ZNF148: variants seen among roughly 807,000 people sequenced by gnomAD.
ZNF148 encodes the protein Beta-Enolase Repressor Factor-1.
ZNF148 carries 7 observed loss-of-function variants against 67.7 expected under a neutral mutation model. The observed-to-expected ratio is 0.10, with a 90% confidence interval of 0.06 to 0.19. ZNF148 has a LOEUF of 0.19. Among genes scored for constraint, ZNF148 ranks in the 10% least tolerant of loss-of-function variants. The probability of loss-of-function intolerance (pLI) is 1.00; values close to 1 mark genes in which losing one functional copy is unlikely to be tolerated. For missense variants in ZNF148, 583 were observed against 947.1 expected, an observed-to-expected ratio of 0.62 and a Z score of 5.05; for synonymous variants, 333 against 330.7, an observed-to-expected ratio of 1.01 and a Z score of -0.08.
chr3:125,256,355 G>A (rs1253084632), intron 7 of ZNF148, among the ~76,000 whole-genome samples: 17 of 131,866 alleles, frequency 1.3e-4, no homozygotes, highest in Admixed American at 1.0e-3. Context: ...GTCAAAGAGC[G>A]AGACTCCATT....
intron 2 of ZNF148, among the ~76,000 whole-genome samples, chr3:125,326,716 A>ATATATGTATATAAATATACATATT (rs1164798605): frequency 6.8e-5 from 10 of 147,208 alleles, no homozygotes; most frequent in African/African-American, 1.2e-4. Flanking sequence ...ATATCTTTTT[A>ATATATGTATATAAATATACATATT]TATATGTATA....
rs1321619172 is a variant in ZNF148 at position 125,231,178 on chromosome 3, T to C, written c.*1163A>G. 1.3e-5 allele frequency: 2 copies of C among 152,518 alleles called. No individual in the cohort carries two copies. The highest frequency in any genetic ancestry group is 2.9e-5 in the Non-Finnish European group (2 of 67,960). 9.4% of individuals were successfully genotyped at this position (152,518 alleles called of 1,614,324 possible). Reference sequence around the variant, plus strand: ...TTAAAAAGTAACTCAAGATAAAATATGCAATTAAAATGCCCATTTCTTTAG... The same window carrying C: ...TTAAAAAGTAACTCAAGATAAAATACGCAATTAAAATGCCCATTTCTTTAG... On this transcript the variant is annotated 3_prime_UTR_variant, in exon 9 of 9. Coordinates refer to ENST00000360647, the MANE Select transcript of ZNF148 (RefSeq NM_021964.3).
At chr3:125,245,087 C>T (rs1198423348) in intron 7 of ZNF148, among the ~76,000 whole-genome samples, 1 of 152,138 alleles carries the variant, frequency 6.6e-6, no homozygotes, top group Non-Finnish European at 1.5e-5. Flanking sequence ...AACCACATAT[C>T]CAAACTGCTT....
rs568553730 is a variant in ZNF148 at position 125,314,083 on chromosome 3, T to TA, written c.-16-428dup. ...AATTTAGAAATAGTCATTAAGCATA[T>TA]AAAAAAGAGTCTCAGCAGTAATCCA... is the stretch of plus-strand genomic sequence containing the variant. On this transcript the variant is annotated intron_variant, in intron 3 of 8. Transcript: ENST00000360647. 2.6e-5 allele frequency among the ~76,000 whole-genome samples: 4 copies of TA among 152,046 alleles called. No homozygotes were observed. In the South Asian group the frequency reaches 8.3e-4, roughly 32 times the overall value.
At chr3:125,373,996 T>C (rs1242567388) in intron 1 of ZNF148, among the ~76,000 whole-genome samples, 2 of 152,214 alleles carry the variant, frequency 1.3e-5, no homozygotes, top group African/African-American at 4.8e-5. Context: ...TAATTTCCAT[T>C]CCAGCGTTTG....
At chr3:125,344,510 G>T in intron 1 of ZNF148, 2 of 1,147,268 alleles carry the variant, frequency 1.7e-6, no homozygotes, top group Non-Finnish European at 2.6e-6. Context: ...ACATCATCTG[G>T]GTTACAAAAT....
chr3:125,303,231 G>T (rs1939688135), intron 4 of ZNF148, among the ~76,000 whole-genome samples: 1 of 152,220 alleles, frequency 6.6e-6, no homozygotes, highest in African/African-American at 2.4e-5. Flanking sequence ...GAGAAGAGGT[G>T]TGACTATAGG....
In ZNF148 at chr3:125,228,024, T is replaced by A. The variant is rs1424377685; in HGVS notation, c.*4317A>T. On this transcript the variant is annotated 3_prime_UTR_variant, in exon 9 of 9. Coordinates refer to ENST00000360647, the MANE Select transcript of ZNF148 (RefSeq NM_021964.3). The stretch of plus-strand genomic sequence containing the variant: ...CATCTGATCAGCTGAGAAACCAAGC[T>A]TGAAAAATAAGTATCTAAAAATCAA... 6.6e-6 allele frequency: 1 copy of A among 152,612 alleles called. No individual in the cohort carries two copies. The highest frequency in any genetic ancestry group is 1.5e-5 in the Non-Finnish European group (1 of 68,022). The allele number at this position is 152,612 out of a possible 1,614,324, so 9.5% of individuals were successfully genotyped here. A position where few individuals can be genotyped will look rare whatever the true frequency, so the allele number is the denominator to read the frequency against.
At chr3:125,234,182 G>A (rs778417464) in intron 8 of ZNF148, 29 bp downstream of exon 8, 1 of 1,418,712 alleles carries the variant, frequency 7.0e-7, no homozygotes, top group South Asian at 1.2e-5. Context: ...TTTAATTACA[G>A]TAGAAGAATT....
chr3:125,344,560 C>T, intron 1 of ZNF148: 1 of 968,200 alleles, frequency 1.0e-6, no homozygotes, highest in East Asian at 2.4e-5. Flanking sequence ...ATGACTTCCA[C>T]CTCCTCCTCC....
At chr3:125,320,431 T>G (rs1315505598) in intron 3 of ZNF148, among the ~76,000 whole-genome samples, 1 of 152,214 alleles carries the variant, frequency 6.6e-6, no homozygotes, top group Non-Finnish European at 1.5e-5. Context: ...CTTATTACCT[T>G]TAATTAATCT....
intron 7 of ZNF148, among the ~76,000 whole-genome samples, chr3:125,248,553 C>T (rs1181736827): frequency 1.3e-5 from 2 of 152,206 alleles, no homozygotes; most frequent in Non-Finnish European, 2.9e-5. Context: ...TCTCAGAAAG[C>T]ATACTTTTTT....
At chr3:125,258,218 C>A (rs1298863655) in intron 7 of ZNF148, among the ~76,000 whole-genome samples, 3 of 151,728 alleles carry the variant, frequency 2.0e-5, no homozygotes, top group African/African-American at 7.3e-5. Flanking sequence ...GTCAGGAGAT[C>A]GAAACCATCC....
intron 4 of ZNF148, among the ~76,000 whole-genome samples, chr3:125,298,279 G>A (rs926196797): frequency 1.3e-4 from 19 of 151,382 alleles, no homozygotes; most frequent in African/African-American, 3.2e-4. Flanking sequence ...TGATTTGTGC[G>A]CTTTTCTGTA....
intron 3 of ZNF148, among the ~76,000 whole-genome samples, chr3:125,316,155 C>T (rs1051430345): frequency 2.0e-5 from 3 of 152,236 alleles, no homozygotes; most frequent in East Asian, 1.9e-4. Context: ...CAGTTTCACC[C>T]GTGTTGTTGC....
rs568976470 is a variant in ZNF148, at chr3:125,298,854, C to T, written c.334-10626G>A. ...ATGTTAGCCAGGATGGTCTCAATCTCCTGACCTCGTGATCCGTCCGCCTCG... is the reference window on the plus strand; with the variant it reads ...ATGTTAGCCAGGATGGTCTCAATCTTCTGACCTCGTGATCCGTCCGCCTCG... On this transcript the variant is annotated intron_variant, in intron 4 of 8. Coordinates refer to ENST00000360647, the MANE Select transcript of ZNF148 (RefSeq NM_021964.3). Among the ~76,000 whole-genome samples, 26 of 152,106 alleles carry T rather than the reference C, an allele frequency of 1.7e-4. No homozygotes were observed. The East Asian group carries it at 3.9e-3, about 23-fold the overall frequency.
intron 1 of ZNF148, among the ~76,000 whole-genome samples, chr3:125,359,594 G>A (rs1374565814): frequency 2.6e-5 from 4 of 152,030 alleles, no homozygotes; most frequent in East Asian, 3.8e-4. Flanking sequence ...CATTTTACCC[G>A]AATCTCTTTA....
Position 125,233,015 on chromosome 3 carries a change from T to C in ZNF148, c.1711A>G (p.Ile571Val). ...GGTACTTCTGAAGAATTTATTGATA[T>C]GCTAGAAGTCACTTCAGTATCTGCA... Reference protein sequence around the residue: ...SVADTEVTSSISINSSEVPEV... With the variant: ...SVADTEVTSSVSINSSEVPEV... Residue 571 changes from isoleucine (I) to valine (V), a missense_variant, in exon 9 of 9, where the codon ATA becomes GTA. Ile to Val is a conservative substitution (Grantham distance 29). This residue lies in a region of ZNF148 where 172 missense variants were observed against 307.7 expected (regional missense o/e 0.56). Transcript: ENST00000360647. This position sits in a 1 kb window ranked among gnomAD's most constrained non-coding sequence, Gnocchi z 5.1. The C allele has an allele frequency of 2.5e-6, 4 of 1,613,684 alleles. No homozygotes were observed. The highest frequency in any genetic ancestry group is 2.5e-6 in the Non-Finnish European group (3 of 1,179,846).
At chr3:125,251,177 C>T (rs909038346) in intron 7 of ZNF148, among the ~76,000 whole-genome samples, 1 of 152,198 alleles carries the variant, frequency 6.6e-6, no homozygotes, top group African/African-American at 2.4e-5. Flanking sequence ...AGAAATAGAA[C>T]ATTATGAGCA....
Sources: gnomAD v4.1 joint callset for allele counts (sites outside exome capture counted in the v4.1 genomes callset) on GRCh38, gnomAD v4.1.1 for gene constraint, gnomAD v4.1.1 regional missense constraint, Gnocchi (gnomAD v3.1) non-coding constraint, MANE v1.5 for transcripts, NCBI Gene and HGNC (gene_info 2026-07-23, HGNC 2026-07-21) for gene names.